The following SEMA4D variants were observed in gnomAD, a reference collection of about 807,000 sequenced individuals.
The protein encoded by SEMA4D is semaphorin 4D.
SEMA4D carries 22 observed loss-of-function variants against 74.8 expected under a neutral mutation model. The ratio of observed to expected loss-of-function variants is 0.29; its 90% CI spans 0.21 to 0.42. The LOEUF (loss-of-function observed/expected upper bound fraction) is 0.42. Ranked by LOEUF, SEMA4D falls within the 10% of genes least tolerant of loss-of-function variation. The pLI is 1.00. For missense variants in SEMA4D, 937 were observed against 1,118.4 expected (o/e 0.84, Z 2.31); for synonymous variants, 445 against 463.7 (o/e 0.96, Z 0.52).
chr9:89,468,323 C>T (rs1407472948), intron 1 of SEMA4D, among the ~76,000 whole-genome samples: 1 of 152,178 alleles, frequency 6.6e-6, no homozygotes, highest in African/African-American at 2.4e-5. Flanking sequence ...AAAACTGTGA[C>T]CTTTTCCCTC....
chr9:89,381,454 G>A lies in SEMA4D; in HGVS notation c.1447-108C>T. 1.8e-6 allele frequency: 2 copies of A among 1,116,134 alleles called. No homozygotes were observed. Among genetic ancestry groups the A allele is most frequent in the Non-Finnish European group, 2.5e-6 (2 of 803,598 alleles). 69.1% of individuals were successfully genotyped at this position (1,116,134 alleles called of 1,614,324 possible). A position where few individuals can be genotyped will look rare whatever the true frequency, so the allele number is the denominator to read the frequency against. Reference sequence around the variant, plus strand: ...GGAAGCAGCCAGAGTGTACCTTCAGGGGACATTGCAGTAAGGAGGAGAGGT... The same window carrying A: ...GGAAGCAGCCAGAGTGTACCTTCAGAGGACATTGCAGTAAGGAGGAGAGGT... On this transcript the variant is annotated intron_variant, in intron 13 of 15. Transcript: ENST00000422704. This position sits in a 1 kb window ranked among gnomAD's most constrained non-coding sequence, Gnocchi z 4.6.
At chr9:89,399,498 G>C (rs969090944) in intron 4 of SEMA4D, among the ~76,000 whole-genome samples, 160 bp from the exon 5 acceptor site, 8 of 152,206 alleles carry the variant, frequency 5.3e-5, no homozygotes, top group African/African-American at 1.9e-4. Context: ...CAGGGGAGCA[G>C]CCTGGGGCCT....
intron 2 of SEMA4D, chr9:89,449,646 G>A (rs1587979382): frequency 7.0e-7 from 1 of 1,425,150 alleles, no homozygotes; most frequent in Non-Finnish European, 9.9e-7. Context: ...CATTGCCAAT[G>A]GGGTACTTCG....
intron 2 of SEMA4D, among the ~76,000 whole-genome samples, chr9:89,454,217 T>G (rs1415815189): frequency 6.6e-6 from 1 of 152,126 alleles, no homozygotes; most frequent in African/African-American, 2.4e-5. Flanking sequence ...CCTGAGGCAG[T>G]AGGAGTCACA....
At chr9:89,407,350 G>A (rs1297988346) in intron 2 of SEMA4D, among the ~76,000 whole-genome samples, 1 of 152,206 alleles carries the variant, frequency 6.6e-6, no homozygotes, top group African/African-American at 2.4e-5. Flanking sequence ...AGAATGTGAT[G>A]GCTGGAGCTC....
intron 2 of SEMA4D, among the ~76,000 whole-genome samples, chr9:89,420,501 A>AC (rs1229207747): frequency 2.6e-5 from 4 of 152,110 alleles, no homozygotes; most frequent in African/African-American, 9.7e-5. Flanking sequence ...CTCCTGGTGC[A>AC]CCCCCTCTAG....
chr9:89,450,686 A>AAAAAAAAAAAC, intron 2 of SEMA4D: 4 of 945,096 alleles, frequency 4.2e-6, no homozygotes, highest in African/African-American at 1.8e-5. Flanking sequence ...AAAAAAAAAA[A>AAAAAAAAAAAC]AGGCCTCCAA....
intron 1 of SEMA4D, among the ~76,000 whole-genome samples, chr9:89,458,693 A>G (rs760563164): frequency 5.9e-5 from 9 of 152,104 alleles, no homozygotes; most frequent in Non-Finnish European, 1.0e-4. Flanking sequence ...ACACATACAT[A>G]CACATGCACA....
intron 1 of SEMA4D, among the ~76,000 whole-genome samples, chr9:89,485,788 C>CAAAAAAAAAAAAAAAAAAAA (rs56056536): frequency 2.6e-5 from 2 of 76,840 alleles, no homozygotes; most frequent in African/African-American, 9.8e-5. Context: ...AACTCCATCT[C>CAAAAAAAAAAAAAAAAAAAA]AAAAAAAAAA....
chr9:89,447,449 G>C (rs978799062), intron 2 of SEMA4D, among the ~76,000 whole-genome samples: 2 of 151,646 alleles, frequency 1.3e-5, no homozygotes, highest in African/African-American at 4.8e-5. Flanking sequence ...CCCACTTGGA[G>C]CCTAAGTCTT....
intron 1 of SEMA4D, among the ~76,000 whole-genome samples, chr9:89,458,656 C>T (rs1217324056): frequency 6.6e-6 from 1 of 151,500 alleles, no homozygotes; most frequent in African/African-American, 2.4e-5. Flanking sequence ...TATTCACATA[C>T]AAAATCACAC....
chr9:89,464,135 C>T (rs868719479), intron 1 of SEMA4D, among the ~76,000 whole-genome samples: 1 of 152,152 alleles, frequency 6.6e-6, no homozygotes, highest in African/African-American at 2.4e-5. Flanking sequence ...CCCAAGAAAA[C>T]TGCCACAAAA....
chr9:89,485,871 G>T (rs1437978401), intron 1 of SEMA4D, among the ~76,000 whole-genome samples: 3 of 150,128 alleles, frequency 2.0e-5, no homozygotes, highest in Non-Finnish European at 4.4e-5. Context: ...TTAGATGCTG[G>T]ACCTCAGTAT....
chr9:89,393,769 C>T (rs1177539045), intron 6 of SEMA4D, 114 bp from the exon 7 acceptor site: 3 of 769,376 alleles, frequency 3.9e-6, no homozygotes, highest in Non-Finnish European at 6.6e-6. Flanking sequence ...ACCAACAGGG[C>T]CGAGCAGATA....
chr9:89,376,987 C>T (rs755590721), downstream of SEMA4D: 2 of 1,550,054 alleles, frequency 1.3e-6, no homozygotes, highest in South Asian at 2.4e-5. Context: ...GCCTCCTGTC[C>T]CCCACATGGC....
intron 2 of SEMA4D, among the ~76,000 whole-genome samples, chr9:89,440,266 G>A (rs1288030292): frequency 2.0e-5 from 3 of 152,006 alleles, no homozygotes; most frequent in Non-Finnish European, 4.4e-5. Context: ...TGACCACAAC[G>A]CCTTCCCTCC....
At chr9:89,491,743 T>A (rs1052762278) in intron 1 of SEMA4D, among the ~76,000 whole-genome samples, 1 of 151,524 alleles carries the variant, frequency 6.6e-6, no homozygotes, top group African/African-American at 2.4e-5. Flanking sequence ...GAACTGAGAG[T>A]CAGTGTTGCA....
intron 2 of SEMA4D, among the ~76,000 whole-genome samples, chr9:89,435,647 A>G (rs1432166586): frequency 6.6e-6 from 1 of 152,184 alleles, no homozygotes; most frequent in Non-Finnish European, 1.5e-5. Flanking sequence ...TCTCTGTGTC[A>G]GCAAAGATCC....
intron 2 of SEMA4D, among the ~76,000 whole-genome samples, chr9:89,412,369 G>A (rs1844723558): frequency 6.6e-6 from 1 of 152,240 alleles, no homozygotes; most frequent in Admixed American, 6.5e-5. Context: ...GGTATTTCCA[G>A]GAGTGTCAGC....
Sources: gnomAD v4.1 joint callset for allele counts (sites outside exome capture counted in the v4.1 genomes callset) on GRCh38, gnomAD v4.1.1 for gene constraint, Gnocchi (gnomAD v3.1) non-coding constraint, MANE v1.5 for transcripts, NCBI Gene and HGNC (gene_info 2026-07-23, HGNC 2026-07-21) for gene names.